Variants in LRRC32 observed in about 807,000 individuals in gnomAD.
The protein encoded by LRRC32 is transforming growth factor beta activator LRRC32.
In LRRC32, 5 loss-of-function variants were observed where a neutral mutation model predicts 15.0. The observed-to-expected ratio is 0.33, with a 90% confidence interval of 0.17 to 0.70. The LOEUF (loss-of-function observed/expected upper bound fraction) is 0.70, where lower values mean the gene tolerates loss of function less well. Ranked by LOEUF, LRRC32 falls within the 30% of genes least tolerant of loss-of-function variation. LRRC32 has a pLI of 0.66. For missense variants in LRRC32, 803 were observed against 854.2 expected (o/e 0.94, Z 0.75); for synonymous variants, 391 against 403.9 (o/e 0.97, Z 0.38).
intron 2 of LRRC32, among the ~76,000 whole-genome samples, chr11:76,662,087 G>A (rs1290124230): frequency 6.6e-6 from 1 of 152,162 alleles, no homozygotes; most frequent in Non-Finnish European, 1.5e-5. Flanking sequence ...AGGCTCTCGT[G>A]TCATGGGCAG....
intron 2 of LRRC32, among the ~76,000 whole-genome samples, chr11:76,665,519 C>CAT (rs538545473): frequency 9.2e-5 from 14 of 152,082 alleles, no homozygotes; most frequent in South Asian, 8.3e-4. Context: ...ATTCCCCACA[C>CAT]ATATATATAT....
Position 76,659,427 on chromosome 11 carries a change from G to A in LRRC32, c.*177C>T, listed in dbSNP as rs976707945. 3 of 678,274 alleles carry A rather than the reference G, an allele frequency of 4.4e-6. No homozygotes were observed. The highest frequency in any genetic ancestry group is 3.0e-5 in the Admixed American group (1 of 33,446). 42.0% of individuals were successfully genotyped at this position (678,274 alleles called of 1,614,324 possible). A position where few individuals can be genotyped will look rare whatever the true frequency, so the allele number is the denominator to read the frequency against. On this transcript the variant is annotated 3_prime_UTR_variant, in exon 3 of 3. Transcript: ENST00000260061. ...TCTGGCTTCCACAGCTGGACCCAAA[G>A]TGCAGCCCGGGAAGGGGGTCACCCA...
intron 1 of LRRC32, among the ~76,000 whole-genome samples, chr11:76,669,308 G>A (rs1488454853): frequency 1.3e-5 from 2 of 150,074 alleles, no homozygotes; most frequent in Non-Finnish European, 3.0e-5. Flanking sequence ...CAGGAGAGTC[G>A]GACTCTCAGG....
chr11:76,660,353 G>A lies in LRRC32; in HGVS notation c.1240C>T (p.Arg414Trp), dbSNP rs201431152. 210 of 1,612,364 alleles carry A rather than the reference G, an allele frequency of 1.3e-4. No individual in the cohort carries two copies. The highest frequency in any genetic ancestry group is 3.3e-4 in the Middle Eastern group (2 of 6,080). Residue 414 changes from arginine to tryptophan, a missense_variant, in exon 3 of 3, where the codon CGG becomes TGG. By Grantham distance (101) the Arg-to-Trp change is moderately radical. Transcript: ENST00000260061. The part of the protein sequence containing the change: ...YTFANLASLQ[R>W]LNLQGNRVSP... Reference sequence around the variant, plus strand: ...ACTCGGTTCCCCTGCAGGTTGAGCCGCTGCAGGCTGGCCAGATTGGCAAAG... The same window carrying A: ...ACTCGGTTCCCCTGCAGGTTGAGCCACTGCAGGCTGGCCAGATTGGCAAAG...
intron 1 of LRRC32, among the ~76,000 whole-genome samples, chr11:76,669,108 G>C (rs1413868485): frequency 6.6e-6 from 1 of 152,168 alleles, no homozygotes; most frequent in Admixed American, 6.5e-5. Context: ...AGGCAGCTGG[G>C]TTCCAGTTCT....
Position 76,667,713 on chromosome 11 carries a change from C to T in LRRC32, c.-4-1755G>A, listed in dbSNP as rs529623594. On this transcript the variant is annotated intron_variant, in intron 1 of 2. Coordinates refer to ENST00000260061, the MANE Select transcript of LRRC32 (RefSeq NM_001128922.2). ...CATATTCAGAACTGAGTGAAAACCC[C>T]TCCGGCAGGGCCTTCCAGGCCACTG... 3.9e-5 allele frequency among the ~76,000 whole-genome samples: 6 copies of T among 152,376 alleles called. No individual in the cohort carries two copies. The South Asian group carries it at 8.3e-4, about 21-fold the overall frequency.
At chr11:76,661,969 G>A (rs1476039147) in intron 2 of LRRC32, among the ~76,000 whole-genome samples, 1 of 152,266 alleles carries the variant, frequency 6.6e-6, no homozygotes, top group East Asian at 1.9e-4. Flanking sequence ...ATTTCTGGTG[G>A]TAGATGGGAA....
intron 2 of LRRC32, among the ~76,000 whole-genome samples, chr11:76,662,137 C>T (rs968564884): frequency 5.9e-5 from 9 of 152,144 alleles, no homozygotes; most frequent in Admixed American, 4.6e-4. Context: ...TGGATGCTTC[C>T]GAGATGTGGC....
Position 76,660,382 on chromosome 11 carries a change from T to A in LRRC32, c.1211A>T (p.Tyr404Phe). The change falls in exon 3 of 3, where the codon TAC becomes TTC. Residue 404 changes from tyrosine to phenylalanine, a missense_variant. Coordinates refer to ENST00000260061, the MANE Select transcript of LRRC32 (RefSeq NM_001128922.2). ...CAGGCTGGCCAGATTGGCAAAGGTG[T>A]ATGGGGGCAGGTCCCGCAGGGCATT... ...QGNALRDLPP[Y>F]TFANLASLQR... 1 of 1,613,518 alleles carries A rather than the reference T, an allele frequency of 6.2e-7. No individual in the cohort carries two copies. The highest frequency in any genetic ancestry group is 8.5e-7 in the Non-Finnish European group (1 of 1,179,854).
At chr11:76,670,191 G>A (rs1952689399) in intron 1 of LRRC32, among the ~76,000 whole-genome samples, 1 of 152,222 alleles carries the variant, frequency 6.6e-6, no homozygotes, top group African/African-American at 2.4e-5. Flanking sequence ...CCCTTGGAGA[G>A]CGGTGGGTGC....
Position 76,657,978 on chromosome 11 carries a change from G to A in LRRC32, c.*1626C>T, listed in dbSNP as rs149032268. On this transcript the variant is annotated 3_prime_UTR_variant, in exon 3 of 3. Transcript: ENST00000260061. ...GGTCCCAGCACGTCCATTCTTCCCA[G>A]ACAGCTCATGACTCCATGGTATGAG... The A allele has an allele frequency of 0.01, 1,596 of 152,464 alleles. 19 individuals carry two copies. The highest frequency in any genetic ancestry group is 0.015 in the Non-Finnish European group (1,019 of 68,036). 9.4% of individuals were successfully genotyped at this position (152,464 alleles called of 1,614,324 possible).
chr11:76,667,212 CCAT>C (rs1952639940), intron 1 of LRRC32, among the ~76,000 whole-genome samples: 1 of 152,206 alleles, frequency 6.6e-6, no homozygotes, highest in South Asian at 2.1e-4. Context: ...TGACTTGGTT[CCAT>C]CATCATTTTA....
chr11:76,664,263 G>A (rs577019337), intron 2 of LRRC32, among the ~76,000 whole-genome samples: 2 of 152,322 alleles, frequency 1.3e-5, no homozygotes, highest in South Asian at 4.1e-4. Flanking sequence ...CCTGATGGTG[G>A]GCAGGGCTGC....
intron 2 of LRRC32, chr11:76,663,075 C>G (rs531957123): frequency 6.6e-6 from 1 of 152,326 alleles, no homozygotes; most frequent in East Asian, 1.9e-4. Flanking sequence ...AGCTTTGCCC[C>G]GCTGAATTGT....
rs766618800 is a variant in LRRC32 at position 76,660,736 on chromosome 11, T to C, written c.857A>G (p.Asp286Gly). ...LIRLPTGPPQ[D>G]SKGIHAPSEG... The stretch of plus-strand genomic sequence containing the variant: ...GGAAGGTGCGTGGATGCCCTTGCTG[T>C]CCTGGGGTGGCCCTGTGGGGAGCCG... The change falls in exon 3 of 3, where the codon GAC becomes GGC. Residue 286 changes from aspartate to glycine, a missense_variant. Physicochemically the swap from Asp to Gly is moderately conservative, Grantham distance 94 (BLOSUM62 -1). Coordinates refer to ENST00000260061, the MANE Select transcript of LRRC32 (RefSeq NM_001128922.2). 57 of 1,614,036 alleles carry C rather than the reference T, an allele frequency of 3.5e-5. No individual in the cohort carries two copies. The highest frequency in any genetic ancestry group is 4.6e-5 in the Non-Finnish European group (54 of 1,179,990).
chr11:76,664,569 AC>A (rs1952593217), intron 2 of LRRC32, among the ~76,000 whole-genome samples: 1 of 152,194 alleles, frequency 6.6e-6, no homozygotes, highest in Non-Finnish European at 1.5e-5. Flanking sequence ...AGGGAGAGGC[AC>A]CAGGCAGTGA....
At chr11:76,670,038 G>A (rs1351966334) in intron 1 of LRRC32, 1 of 152,360 alleles carries the variant, frequency 6.6e-6, no homozygotes, top group Non-Finnish European at 1.5e-5. Context: ...GGCAAGCCTC[G>A]TTCTGGAGAC....
At chr11:76,669,598 AC>A (rs1195109780) in intron 1 of LRRC32, among the ~76,000 whole-genome samples, 1 of 151,982 alleles carries the variant, frequency 6.6e-6, no homozygotes, top group Non-Finnish European at 1.5e-5. Context: ...GAAGTGACTT[AC>A]CCCCAGAGTT....
intron 1 of LRRC32, among the ~76,000 whole-genome samples, chr11:76,669,137 C>T (rs1441121733): frequency 6.6e-6 from 1 of 152,168 alleles, no homozygotes; most frequent in Non-Finnish European, 1.5e-5. Flanking sequence ...CCAACCCCAA[C>T]TATTGTGATG....
Sources: allele counts gnomAD v4.1 joint callset (sites outside exome capture counted in the v4.1 genomes callset), GRCh38; gene constraint gnomAD v4.1.1; transcripts MANE v1.5; gene names NCBI Gene and HGNC (gene_info 2026-07-23, HGNC 2026-07-21).